SLC44A5: variants seen among roughly 807,000 people sequenced by gnomAD.
The protein encoded by SLC44A5 is choline transporter-like protein 5.
In SLC44A5, 57 loss-of-function variants were observed where a neutral mutation model predicts 101.8. The ratio of observed to expected loss-of-function variants is 0.56; its 90% CI spans 0.45 to 0.70. The LOEUF (loss-of-function observed/expected upper bound fraction) is 0.70. SLC44A5 is among the 30% of genes least tolerant of loss of function. The pLI, the probability that SLC44A5 is intolerant of heterozygous loss-of-function variation, is 0.00. For missense variants in SLC44A5, 737 were observed against 853.1 expected, an observed-to-expected ratio of 0.86 and a Z score of 1.70; for synonymous variants, 281 against 290.9, an observed-to-expected ratio of 0.97 and a Z score of 0.35.
chr1:75,351,049 T>A (rs1447370347), intron 3 of SLC44A5, among the ~76,000 whole-genome samples: 1 of 151,386 alleles, frequency 6.6e-6, no homozygotes, highest in Non-Finnish European at 1.5e-5. Flanking sequence ...GGTGCAAAAG[T>A]AATTGTGGTT....
At chr1:75,248,643 T>C (rs1289066642) in intron 7 of SLC44A5, among the ~76,000 whole-genome samples, 2 of 152,062 alleles carry the variant, frequency 1.3e-5, no homozygotes, top group Non-Finnish European at 2.9e-5. Flanking sequence ...GGTGTGAAAT[T>C]CTATAGCAGT....
intron 2 of SLC44A5, among the ~76,000 whole-genome samples, chr1:75,486,175 G>A (rs1435491059): frequency 6.6e-6 from 1 of 152,070 alleles, no homozygotes; most frequent in Non-Finnish European, 1.5e-5. Context: ...AACTTTACAA[G>A]GCTCTATTCA....
At chr1:75,538,582 C>T (rs537452625) in intron 2 of SLC44A5, among the ~76,000 whole-genome samples, 69 of 152,238 alleles carry the variant, frequency 4.5e-4, no homozygotes, top group African/African-American at 1.5e-3. Flanking sequence ...CCTTAGTGTG[C>T]TTTTAGACAT....
the SLC44A5 span, among the ~76,000 whole-genome samples, chr1:75,634,769 T>G: frequency 6.6e-6 from 1 of 151,806 alleles, no homozygotes; most frequent in African/African-American, 2.4e-5. Flanking sequence ...ACTTCATGTC[T>G]AAAACACCAA....
At chr1:75,373,754 C>G (rs1219770723) in intron 3 of SLC44A5, among the ~76,000 whole-genome samples, 1 of 152,150 alleles carries the variant, frequency 6.6e-6, no homozygotes, top group Non-Finnish European at 1.5e-5. Context: ...CTCTACTGCC[C>G]CACCTGAGTG....
intron 2 of SLC44A5, among the ~76,000 whole-genome samples, chr1:75,504,483 C>T (rs1669139650): frequency 6.6e-6 from 1 of 152,010 alleles, no homozygotes; most frequent in Admixed American, 6.6e-5. Context: ...TTAAAAATTG[C>T]ATAGAACATA....
At chr1:75,220,707 A>G (rs995345885) in intron 14 of SLC44A5, among the ~76,000 whole-genome samples, 2 of 152,204 alleles carry the variant, frequency 1.3e-5, no homozygotes, top group Non-Finnish European at 2.9e-5. Context: ...TCTTTTCAGC[A>G]TATGACACTG....
At chr1:75,338,958 G>A (rs1156363689) in intron 4 of SLC44A5, among the ~76,000 whole-genome samples, 3 of 152,068 alleles carry the variant, frequency 2.0e-5, no homozygotes, top group African/African-American at 7.2e-5. Flanking sequence ...TTTGTTATTA[G>A]CAAAAAGCTT....
intron 2 of SLC44A5, among the ~76,000 whole-genome samples, chr1:75,414,322 C>T (rs1212570552): frequency 1.6e-5 from 2 of 121,712 alleles, no homozygotes; most frequent in Non-Finnish European, 3.4e-5. Flanking sequence ...TACATATCCA[C>T]ATACACACAC....
At chr1:75,681,725 C>G in the SLC44A5 span, among the ~76,000 whole-genome samples, 3 of 148,092 alleles carry the variant, frequency 2.0e-5, no homozygotes, top group Non-Finnish European at 4.5e-5. Context: ...TCTCACCACT[C>G]CTATTCAACA....
At chr1:75,308,045 C>T (rs931825890) in intron 4 of SLC44A5, among the ~76,000 whole-genome samples, 1 of 152,092 alleles carries the variant, frequency 6.6e-6, no homozygotes, top group African/African-American at 2.4e-5. Context: ...GAAGATAATC[C>T]TGGCATCCAA....
intron 5 of SLC44A5, 83 bp downstream of exon 5, chr1:75,300,529 A>G (rs1379204692): frequency 5.5e-6 from 5 of 906,052 alleles, no homozygotes; most frequent in Non-Finnish European, 8.3e-6. Context: ...TTTGGAAGAC[A>G]ATAATTAATT....
chr1:75,295,264 T>G (rs1653876871), intron 5 of SLC44A5, among the ~76,000 whole-genome samples: 1 of 152,234 alleles, frequency 6.6e-6, no homozygotes, highest in Non-Finnish European at 1.5e-5. Context: ...TGCTTCTTTG[T>G]ATGGACAGAA....
intron 2 of SLC44A5, among the ~76,000 whole-genome samples, chr1:75,507,144 T>C (rs1401282715): frequency 6.6e-6 from 1 of 152,096 alleles, no homozygotes; most frequent in Non-Finnish European, 1.5e-5. Flanking sequence ...AAGAGGATGC[T>C]TCCAACTTTT....
chr1:75,219,153 T>C lies in SLC44A5; in HGVS notation c.1266+104A>G, dbSNP rs779426563. ...TTCAGCACATAGTTGTCCCCATCAG[T>C]GTATAGGATCTCTGCTTCGGGACAA... On this transcript the variant is annotated intron_variant, in intron 16 of 23. Transcript: ENST00000370859. 7.5e-6 allele frequency: 6 copies of C among 800,394 alleles called. No individual in the cohort carries two copies. In the South Asian group the frequency reaches 8.9e-5, roughly 12 times the overall value. 49.6% of individuals were successfully genotyped at this position (800,394 alleles called of 1,614,324 possible).
chr1:75,384,951 A>T (rs955231949), intron 3 of SLC44A5, among the ~76,000 whole-genome samples: 2 of 150,838 alleles, frequency 1.3e-5, no homozygotes, highest in African/African-American at 4.8e-5. Context: ...CTGCTCCTGA[A>T]TGACTACTGG....
chr1:75,473,563 T>C (rs370422130), intron 2 of SLC44A5, among the ~76,000 whole-genome samples: 109 of 152,292 alleles, frequency 7.2e-4, no homozygotes, highest in African/African-American at 2.6e-3. Flanking sequence ...AAAACACTTA[T>C]CTGCCCCACT....
intron 5 of SLC44A5, among the ~76,000 whole-genome samples, chr1:75,287,954 C>A (rs1204913476): frequency 1.3e-5 from 2 of 152,070 alleles, no homozygotes; most frequent in Non-Finnish European, 2.9e-5. Context: ...TTCAAGACAG[C>A]ATGTATAGGA....
chr1:75,520,819 G>A (rs1209106229), intron 2 of SLC44A5, among the ~76,000 whole-genome samples: 1 of 152,114 alleles, frequency 6.6e-6, no homozygotes, highest in East Asian at 1.9e-4. Context: ...GGCAGGGGGA[G>A]ATTGTACTGT....
Sources: allele counts gnomAD v4.1 joint callset (sites outside exome capture counted in the v4.1 genomes callset), GRCh38; gene constraint gnomAD v4.1.1; transcripts MANE v1.5; gene names NCBI Gene and HGNC (gene_info 2026-07-23, HGNC 2026-07-21).